Variants in ADGRB1 observed in about 807,000 individuals in gnomAD.
ADGRB1 encodes brain-specific angiogenesis inhibitor 1.
ADGRB1 carries 36 observed loss-of-function variants against 175.7 expected under a neutral mutation model. The observed-to-expected ratio is 0.20, with a 90% CI of 0.16 to 0.27. The LOEUF is 0.27. Among genes scored for constraint, ADGRB1 ranks in the 10% least tolerant of loss-of-function variants. ADGRB1 has a pLI of 1.00. For synonymous variants in ADGRB1, 1,054 were observed against 979.4 expected (o/e 1.08, Z -1.42); for missense variants, 1,731 against 2,255.3 (o/e 0.77, Z 4.71).
chr8:142,541,849 A>G, intron 27 of ADGRB1, 92 bp from the exon 28 acceptor site: 1 of 1,347,976 alleles, frequency 7.4e-7, no homozygotes, highest in Admixed American at 2.4e-5. Flanking sequence ...GCGGCCTCGC[A>G]GGGCAGACTG....
In ADGRB1 at chr8:142,511,598, C is replaced by G. The variant is rs1004042671; in HGVS notation, c.2817+525C>G. Among the ~76,000 whole-genome samples, 3 of 152,324 alleles carry G rather than the reference C, an allele frequency of 2.0e-5. No homozygotes were observed. Among genetic ancestry groups the G allele is most frequent in the South Asian group, 2.1e-4 (1 of 4,834 alleles). On this transcript the variant is annotated intron_variant, in intron 18 of 30. Transcript: ENST00000517894. The surrounding 1 kb of genome is among the most constrained non-coding windows in gnomAD (Gnocchi z 4.5). ...GGCCCTGGCCCAGATCCACCGCCCC[C>G]CAGGCCTCAGCACCTCGGGGCTTCC...
chr8:142,521,863 G>T (rs771296561), intron 20 of ADGRB1, 102 bp from the exon 21 acceptor site: 887 of 1,372,264 alleles, frequency 6.5e-4, no homozygotes, highest in Middle Eastern at 1.0e-3. Flanking sequence ...CCCAGTGAGG[G>T]TGCTGGGTGC....
Position 142,464,651 on chromosome 8 carries a change from C to G in ADGRB1, c.453C>G (p.Pro151=). 6.6e-7 allele frequency: 1 copy of G among 1,522,230 alleles called. No individual in the cohort carries two copies. Among genetic ancestry groups the G allele is most frequent in the Non-Finnish European group, 8.8e-7 (1 of 1,140,156 alleles). 94.3% of individuals were successfully genotyped at this position (1,522,230 alleles called of 1,614,324 possible). ...TGCAGATGCGGCGCCAGCAGCCGCC[C>G]CAGCACGACGGGCTCCGGCCCCGGG... The part of the protein sequence containing the change: ...QFLQMRRQQP[P]QHDGLRPRAG... The change falls in exon 2 of 31, where the codon CCC becomes CCG. Residue 151 remains proline (P), a synonymous_variant. Transcript: ENST00000517894.
intron 8 of ADGRB1, 51 bp downstream of exon 8, chr8:142,479,538 G>A (rs748689067): frequency 1.5e-4 from 224 of 1,505,188 alleles, no homozygotes; most frequent in Non-Finnish European, 1.8e-4. Context: ...GATGGCGATT[G>A]GGCGGGCTTG....
At chr8:142,477,326 G>GGCCAGGGCAGCGGACT (rs1554607431) in intron 5 of ADGRB1, 48 bp downstream of exon 5, 96 of 1,586,444 alleles carry the variant, frequency 6.1e-5, no homozygotes, top group South Asian at 1.9e-4. Context: ...GGCAGCGGGG[G>GGCCAGGGCAGCGGACT]GCCAGGGCAG....
chr8:142,540,345 C>G (rs1258124882), intron 27 of ADGRB1, among the ~76,000 whole-genome samples: 1 of 152,268 alleles, frequency 6.6e-6, no homozygotes, highest in Non-Finnish European at 1.5e-5. Context: ...GTGAACCAGT[C>G]CCACAGCCTC....
chr8:142,450,582 TC>T (rs945033835), intron 1 of ADGRB1, among the ~76,000 whole-genome samples: 1 of 149,038 alleles, frequency 6.7e-6, no homozygotes, highest in Non-Finnish European at 1.5e-5. Context: ...CCCGAGCGTG[TC>T]CCCCTCCTGC....
rs1347471383 is a variant in ADGRB1 at position 142,537,692 on chromosome 8, G to A, written c.3666+610G>A. Among the ~76,000 whole-genome samples, 4 of 151,838 alleles carry A rather than the reference G, an allele frequency of 2.6e-5. No individual in the cohort carries two copies. Among genetic ancestry groups the A allele is most frequent in the Admixed American group, 6.5e-5 (1 of 15,270 alleles). On this transcript the variant is annotated intron_variant, in intron 26 of 30. Coordinates refer to ENST00000517894, the MANE Select transcript of ADGRB1 (RefSeq NM_001702.3). This position sits in a 1 kb window ranked among gnomAD's most constrained non-coding sequence, Gnocchi z 4.6. ...CTCAGCGGTGTGTTCTGCACCCCCC[G>A]CCCCTGCCTGTGCCTGCGCCTGTCC...
At chr8:142,524,358 G>A (rs1844050262) in intron 23 of ADGRB1, 54 bp downstream of exon 23, 6 of 1,503,372 alleles carry the variant, frequency 4.0e-6, no homozygotes, top group Non-Finnish European at 4.5e-6. Flanking sequence ...CCCCCCACCT[G>A]CCTCCTGGGC....
At position 142,464,669 on chromosome 8, in the gene ADGRB1, G is replaced by A. The variant is rs1345521124; in HGVS notation, c.471G>A (p.Arg157=). ...RQQPPQHDGL[R]PRAGPPGPTD... Reference sequence around the variant, plus strand: ...AGCCGCCCCAGCACGACGGGCTCCGGCCCCGGGCCGGGCCGCCGGGCCCCA... The same window carrying A: ...AGCCGCCCCAGCACGACGGGCTCCGACCCCGGGCCGGGCCGCCGGGCCCCA... The change falls in exon 2 of 31, where the codon CGG becomes CGA. Residue 157 remains arginine, a synonymous_variant. Transcript: ENST00000517894. The A allele has an allele frequency of 3.3e-6, 5 of 1,523,256 alleles. No individual in the cohort carries two copies. Among genetic ancestry groups the A allele is most frequent in the Middle Eastern group, 3.4e-4 (2 of 5,812 alleles). 94.4% of individuals were successfully genotyped at this position (1,523,256 alleles called of 1,614,324 possible). A position where few individuals can be genotyped will look rare whatever the true frequency, so the allele number is the denominator to read the frequency against.
At chr8:142,494,453 T>C (rs948999142) in intron 17 of ADGRB1, among the ~76,000 whole-genome samples, 3 of 152,140 alleles carry the variant, frequency 2.0e-5, no homozygotes, top group African/African-American at 7.2e-5. Flanking sequence ...TTAGCTGGAA[T>C]GACTTGTGTG....
At chr8:142,463,645 C>G (rs1362926086) in intron 1 of ADGRB1, among the ~76,000 whole-genome samples, 1 of 152,244 alleles carries the variant, frequency 6.6e-6, no homozygotes, top group African/African-American at 2.4e-5. Context: ...CCAGGGCCCC[C>G]GGGAGCCACG....
chr8:142,500,599 G>C (rs548250692), intron 17 of ADGRB1, among the ~76,000 whole-genome samples: 17 of 151,828 alleles, frequency 1.1e-4, no homozygotes, highest in Non-Finnish European at 2.4e-4. Context: ...CTCATTTAAG[G>C]CAGCAGAAAA....
At chr8:142,541,653 G>A (rs1015706428) in intron 27 of ADGRB1, among the ~76,000 whole-genome samples, 6 of 152,200 alleles carry the variant, frequency 3.9e-5, no homozygotes, top group African/African-American at 1.4e-4. Flanking sequence ...GCGCTGGGGA[G>A]GGCAGTGTGT....
At chr8:142,469,403 A>ATGT in intron 2 of ADGRB1, among the ~76,000 whole-genome samples, 1 of 141,122 alleles carries the variant, frequency 7.1e-6, no homozygotes, top group African/African-American at 2.7e-5. Context: ...GTGCACATGC[A>ATGT]GATGTGAATG....
chr8:142,508,730 T>C (rs1269476709), intron 17 of ADGRB1, among the ~76,000 whole-genome samples: 2 of 152,230 alleles, frequency 1.3e-5, no homozygotes, highest in Admixed American at 6.5e-5. Flanking sequence ...GACAGAGGCA[T>C]CCTCTGAGCC....
At chr8:142,530,823 C>T (rs1337822758) in intron 24 of ADGRB1, among the ~76,000 whole-genome samples, 1 of 152,216 alleles carries the variant, frequency 6.6e-6, no homozygotes, top group Non-Finnish European at 1.5e-5. Flanking sequence ...CCCCGGGCAC[C>T]TGCCTCTCCA....
intron 1 of ADGRB1, among the ~76,000 whole-genome samples, chr8:142,458,604 CCT>C (rs1035413124): frequency 3.9e-5 from 6 of 152,150 alleles, no homozygotes; most frequent in South Asian, 2.1e-4. Context: ...CTCTGGGTCC[CCT>C]GTCTGCCAGC....
At chr8:142,459,289 G>A (rs370225725) in intron 1 of ADGRB1, among the ~76,000 whole-genome samples, 25 of 152,190 alleles carry the variant, frequency 1.6e-4, no homozygotes, top group Admixed American at 4.6e-4. Context: ...TCCAACCCCC[G>A]GGGCTCCCAG....
Sources: allele counts gnomAD v4.1 joint callset (sites outside exome capture counted in the v4.1 genomes callset), GRCh38; gene constraint gnomAD v4.1.1; non-coding constraint Gnocchi (gnomAD v3.1); transcripts MANE v1.5; gene names NCBI Gene and HGNC (gene_info 2026-07-23, HGNC 2026-07-21).